The following NEMP2 variants were observed in gnomAD, a reference collection of about 807,000 sequenced individuals.
The protein encoded by NEMP2 is UPF0571 transmembrane protein.
In NEMP2, 53 loss-of-function variants were observed where a neutral mutation model predicts 54.2. The ratio of observed to expected loss-of-function variants is 0.98; its 90% CI spans 0.78 to 1.23. NEMP2 has a LOEUF of 1.23. NEMP2 is among the 50% of genes most tolerant of loss of function. NEMP2 has a pLI of 0.00. For missense variants in NEMP2, 455 were observed against 511.3 expected, an observed-to-expected ratio of 0.89 and a Z score of 1.06; for synonymous variants, 197 against 190.3, an observed-to-expected ratio of 1.04 and a Z score of -0.29.
chr2:190,627,594 A>G, the NEMP2 span, among the ~76,000 whole-genome samples: 75 of 64,538 alleles, frequency 1.2e-3, no homozygotes, highest in African/African-American at 8.6e-4. This position sits in a 1 kb window ranked among gnomAD's most constrained non-coding sequence, Gnocchi z 4.4. Flanking sequence ...GTTCTTAGGG[A>G]AAAAAAAAAA....
chr2:190,492,829 A>G, the NEMP2 span, among the ~76,000 whole-genome samples: 1 of 152,092 alleles, frequency 6.6e-6, no homozygotes, highest in African/African-American at 2.4e-5. The surrounding 1 kb of genome is among the most constrained non-coding windows in gnomAD (Gnocchi z 5.2). Context: ...CAGAACTACA[A>G]GAATTTGCCA....
At chr2:190,538,095 A>C (rs746592058), upstream of NEMP2, among the ~76,000 whole-genome samples, 30 of 152,182 alleles carry the variant, frequency 2.0e-4, no homozygotes, top group Non-Finnish European at 3.7e-4. The surrounding 1 kb of genome is among the most constrained non-coding windows in gnomAD (Gnocchi z 4.1). Context: ...AAACTAAAAC[A>C]GGGAAAAAAA....
At chr2:190,574,240 C>T in the NEMP2 span, among the ~76,000 whole-genome samples, 1 of 152,138 alleles carries the variant, frequency 6.6e-6, no homozygotes, top group Non-Finnish European at 1.5e-5. Flanking sequence ...GTCAAAGGTA[C>T]AGTAGCTTAC....
the NEMP2 span, among the ~76,000 whole-genome samples, chr2:190,612,368 C>T: frequency 3.3e-5 from 5 of 151,996 alleles, no homozygotes; most frequent in East Asian, 7.7e-4. Context: ...ATTGGCCAGG[C>T]TGGTCTCAAA....
At chr2:190,462,266 G>A in the NEMP2 span, among the ~76,000 whole-genome samples, 1 of 152,072 alleles carries the variant, frequency 6.6e-6, no homozygotes, top group Non-Finnish European at 1.5e-5. This position sits in a 1 kb window ranked among gnomAD's most constrained non-coding sequence, Gnocchi z 5.7. Flanking sequence ...TTCTCAACAG[G>A]AGCCATTTAA....
At chr2:190,602,905 G>A in the NEMP2 span, among the ~76,000 whole-genome samples, 2 of 152,272 alleles carry the variant, frequency 1.3e-5, no homozygotes, top group African/African-American at 4.8e-5. Context: ...GGAGAGACTG[G>A]GAGAAATGAA....
At chr2:190,562,899 G>A in the NEMP2 span, among the ~76,000 whole-genome samples, 1 of 152,116 alleles carries the variant, frequency 6.6e-6, no homozygotes, top group East Asian at 1.9e-4. This position sits in a 1 kb window ranked among gnomAD's most constrained non-coding sequence, Gnocchi z 5.0. Flanking sequence ...GGCCACTCTT[G>A]TTTATAGAGG....
At chr2:190,453,590 T>A in the NEMP2 span, among the ~76,000 whole-genome samples, 2 of 152,212 alleles carry the variant, frequency 1.3e-5, no homozygotes, top group Non-Finnish European at 2.9e-5. Context: ...AAGAGACAAA[T>A]TCAGTGCTTC....
At chr2:190,450,291 G>A in the NEMP2 span, among the ~76,000 whole-genome samples, 2 of 152,068 alleles carry the variant, frequency 1.3e-5, no homozygotes, top group East Asian at 3.9e-4. Flanking sequence ...CTGGAAGAGT[G>A]GATAAGAAAA....
chr2:190,611,927 A>C, the NEMP2 span, among the ~76,000 whole-genome samples: 1 of 152,174 alleles, frequency 6.6e-6, no homozygotes, highest in Non-Finnish European at 1.5e-5. The surrounding 1 kb of genome is among the most constrained non-coding windows in gnomAD (Gnocchi z 5.4). Flanking sequence ...GACTTATTCC[A>C]GTTTCAAACT....
the NEMP2 span, among the ~76,000 whole-genome samples, chr2:190,571,043 G>A: frequency 6.6e-6 from 1 of 152,312 alleles, no homozygotes; most frequent in Middle Eastern, 3.4e-3. Flanking sequence ...AGATTCTGAA[G>A]CTGATTGCCT....
the NEMP2 span, among the ~76,000 whole-genome samples, chr2:190,575,045 TG>T: frequency 6.6e-6 from 1 of 151,768 alleles, no homozygotes; most frequent in Admixed American, 6.6e-5. Flanking sequence ...TTAGTAGAGA[TG>T]GGGTTTCACT....
At chr2:190,476,802 C>T in the NEMP2 span, among the ~76,000 whole-genome samples, 1 of 152,082 alleles carries the variant, frequency 6.6e-6, no homozygotes, top group African/African-American at 2.4e-5. Context: ...TTGGAACCAA[C>T]CCATATGTCC....
the NEMP2 span, chr2:190,497,611 G>T: frequency 6.2e-7 from 1 of 1,614,116 alleles, no homozygotes; most frequent in Non-Finnish European, 8.5e-7. The surrounding 1 kb of genome is among the most constrained non-coding windows in gnomAD (Gnocchi z 5.2). Flanking sequence ...AACCAGCCTG[G>T]GGAGTCAGCT....
At chr2:190,455,478 C>T in the NEMP2 span, among the ~76,000 whole-genome samples, 5 of 152,166 alleles carry the variant, frequency 3.3e-5, 1 homozygote, top group Admixed American at 3.3e-4. Context: ...CAGGATTTGA[C>T]AGCAGAAGAC....
chr2:190,489,672 CT>C, the NEMP2 span: 1 of 1,156,398 alleles, frequency 8.6e-7, no homozygotes, highest in South Asian at 1.5e-5. The surrounding 1 kb of genome is among the most constrained non-coding windows in gnomAD (Gnocchi z 6.6). Flanking sequence ...TCAAGCTGTG[CT>C]TCCTTTGCTT....
the NEMP2 span, among the ~76,000 whole-genome samples, chr2:190,433,048 G>C: frequency 6.6e-6 from 1 of 152,076 alleles, no homozygotes; most frequent in Non-Finnish European, 1.5e-5. This position sits in a 1 kb window ranked among gnomAD's most constrained non-coding sequence, Gnocchi z 4.5. Flanking sequence ...TCTGCTTTCC[G>C]TAATTTTATT....
the NEMP2 span, among the ~76,000 whole-genome samples, chr2:190,557,364 TAAAAACCCTA>T: frequency 6.6e-6 from 1 of 152,064 alleles, no homozygotes; most frequent in Non-Finnish European, 1.5e-5. Context: ...CCTAAAGCCA[TAAAAACCCTA>T]GAAGAAAACC....
chr2:190,578,648 G>A, the NEMP2 span, among the ~76,000 whole-genome samples: 1 of 152,118 alleles, frequency 6.6e-6, no homozygotes, highest in African/African-American at 2.4e-5. This position sits in a 1 kb window ranked among gnomAD's most constrained non-coding sequence, Gnocchi z 4.4. Flanking sequence ...GTATCTGAGA[G>A]ATATGTGGGT....
Sources: gnomAD v4.1 joint callset for allele counts (sites outside exome capture counted in the v4.1 genomes callset) on GRCh38, gnomAD v4.1.1 for gene constraint, Gnocchi (gnomAD v3.1) non-coding constraint, MANE v1.5 for transcripts, NCBI Gene and HGNC (gene_info 2026-07-23, HGNC 2026-07-21) for gene names.